HACE1: variants seen among roughly 807,000 people sequenced by gnomAD.
The protein encoded by HACE1 is HECT domain and ankyrin repeat containing E3 ubiquitin protein ligase 1.
HACE1 carries 73 observed loss-of-function variants against 118.4 expected under a neutral mutation model. The ratio of observed to expected loss-of-function variants is 0.62; its 90% CI spans 0.51 to 0.75. The LOEUF (loss-of-function observed/expected upper bound fraction) is 0.75, where lower values mean the gene tolerates loss of function less well. Among genes scored for constraint, HACE1 ranks in the 30% least tolerant of loss-of-function variants. The probability of loss-of-function intolerance (pLI) is 0.00; values close to 1 mark genes in which losing one functional copy is unlikely to be tolerated. For synonymous variants in HACE1, 368 were observed against 374.8 expected, an observed-to-expected ratio of 0.98 and a Z score of 0.21; for missense variants, 749 against 1,102.2, an observed-to-expected ratio of 0.68 and a Z score of 4.54.
intron 19 of HACE1, among the ~76,000 whole-genome samples, chr6:104,758,150 C>CCTG (rs1778923578): frequency 6.6e-6 from 1 of 152,088 alleles, no homozygotes; most frequent in Non-Finnish European, 1.5e-5. Flanking sequence ...GAGAACTTCC[C>CCTG]CAACCTAGCA....
At chr6:104,745,781 A>C (rs1381188797) in intron 20 of HACE1, among the ~76,000 whole-genome samples, 1 of 152,044 alleles carries the variant, frequency 6.6e-6, no homozygotes, top group Non-Finnish European at 1.5e-5. Context: ...CTGTGATTCA[A>C]AATCATGTCT....
intron 14 of HACE1, 37 bp from the exon 15 acceptor site, chr6:104,777,354 G>C: frequency 8.2e-7 from 1 of 1,223,138 alleles, no homozygotes; most frequent in Non-Finnish European, 1.2e-6. Context: ...TGTTAGCAGT[G>C]TATCAGTCAT....
In HACE1 at chr6:104,781,302, C is replaced by T. The variant is rs138247063; in HGVS notation, c.1566+2784G>A. On this transcript the variant is annotated intron_variant, in intron 14 of 23. Coordinates refer to ENST00000262903, the MANE Select transcript of HACE1 (RefSeq NM_020771.4). ...GTGGGAGTCCATTCAAGCTGTCTTC[C>T]GAGTCATGTTAACATAACCCCATCA... Among the ~76,000 whole-genome samples the T allele has an allele frequency of 4.2e-3, 642 of 152,170 alleles. 3 individuals carry two copies. The highest frequency in any genetic ancestry group is 0.015 in the African/African-American group (617 of 41,496).
At chr6:104,751,225 G>C (rs1778011510) in intron 19 of HACE1, among the ~76,000 whole-genome samples, 1 of 152,180 alleles carries the variant, frequency 6.6e-6, no homozygotes, top group South Asian at 2.1e-4. Flanking sequence ...TCTGCAGACA[G>C]GAACTTTGTT....
At chr6:104,741,800 GA>G (rs918692172) in intron 22 of HACE1, among the ~76,000 whole-genome samples, 26 of 141,726 alleles carry the variant, frequency 1.8e-4, no homozygotes, top group African/African-American at 6.0e-4. Flanking sequence ...CACAGAACTG[GA>G]AAAAACTACT....
In HACE1 at chr6:104,730,338, T is replaced by C. The variant is rs754026335; in HGVS notation, c.2592A>G (p.Pro864=). 14 of 1,589,188 alleles carry C rather than the reference T, an allele frequency of 8.8e-6. No homozygotes were observed. The highest frequency in any genetic ancestry group is 8.3e-5 in the Admixed American group (5 of 59,982). ...AAGTTGGTAAAAGATTTGGAGTATA[T>C]GGCACAGCAGCGATTGTAAAGTTTT... ...GLQNFTIAAV[P]YTPNLLPTSS... The change falls in exon 23 of 24, where the codon CCA becomes CCG. Residue 864 remains proline, a synonymous_variant. Coordinates refer to ENST00000262903, the MANE Select transcript of HACE1 (RefSeq NM_020771.4).
rs773861483 is a variant in HACE1 at position 104,852,352 on chromosome 6, A to G, written c.96T>C (p.Tyr32=). The change falls in exon 2 of 24, where the codon TAT becomes TAC. Residue 32 remains tyrosine (Y), a synonymous_variant. Coordinates refer to ENST00000262903, the MANE Select transcript of HACE1 (RefSeq NM_020771.4). ...ELPEDNETAV[Y]TLMPMVMADQ... Reference sequence around the variant, plus strand: ...CAGCCATAACCATTGGCATTAATGTATAAACAGCAGTTTCATTATCTGAGT... The same window carrying G: ...CAGCCATAACCATTGGCATTAATGTGTAAACAGCAGTTTCATTATCTGAGT... 2.5e-6 allele frequency: 4 copies of G among 1,601,084 alleles called. No homozygotes were observed. Among genetic ancestry groups the G allele is most frequent in the Admixed American group, 1.7e-5 (1 of 59,542 alleles).
chr6:104,795,723 TAATCC>T (rs777513785), intron 9 of HACE1, 38 bp from the exon 10 acceptor site: 20 of 1,208,650 alleles, frequency 1.7e-5, no homozygotes, highest in Admixed American at 1.4e-4. Flanking sequence ...GATTACATAG[TAATCC>T]ATTAAATCTT....
rs996912099 is a variant in HACE1 at position 104,744,663 on chromosome 6, T to A, written c.2344-53A>T. 21 of 1,049,494 alleles carry A rather than the reference T, an allele frequency of 2.0e-5. No individual in the cohort carries two copies. The Admixed American group carries it at 3.3e-4, about 17-fold the overall frequency. The allele number at this position is 1,049,494 out of a possible 1,614,324, so 65.0% of individuals were successfully genotyped here. A position where few individuals can be genotyped will look rare whatever the true frequency, so the allele number is the denominator to read the frequency against. ...TAATTTTCTTTAGGGAAAAAAGTTA[T>A]TATATTTAAGTGGTAAATTTGCCAT... is the stretch of plus-strand genomic sequence containing the variant. On this transcript the variant is annotated intron_variant, in intron 20 of 23. Coordinates refer to ENST00000262903, the MANE Select transcript of HACE1 (RefSeq NM_020771.4).
intron 1 of HACE1, among the ~76,000 whole-genome samples, chr6:104,855,736 C>A (rs1776657450): frequency 6.6e-6 from 1 of 152,082 alleles, no homozygotes; most frequent in African/African-American, 2.4e-5. Flanking sequence ...CAATAAAAAT[C>A]TGAACTTCTA....
chr6:104,807,137 C>T (rs1486039692), intron 7 of HACE1, among the ~76,000 whole-genome samples: 1 of 151,692 alleles, frequency 6.6e-6, no homozygotes, highest in Non-Finnish European at 1.5e-5. Flanking sequence ...GATTCTCCTG[C>T]CTCAGCCTCT....
chr6:104,802,677 A>C (rs1770513432), intron 7 of HACE1, among the ~76,000 whole-genome samples: 1 of 152,224 alleles, frequency 6.6e-6, no homozygotes, highest in African/African-American at 2.4e-5. Context: ...GAGAACAAAG[A>C]CACAACATAC....
chr6:104,838,154 T>C (rs564181056), intron 5 of HACE1, among the ~76,000 whole-genome samples: 1 of 152,324 alleles, frequency 6.6e-6, no homozygotes, highest in Admixed American at 6.5e-5. Flanking sequence ...ATAGATTCAA[T>C]GTAATCTCTA....
chr6:104,756,426 A>ATAT (rs1554225505), intron 19 of HACE1, among the ~76,000 whole-genome samples: 189 of 105,906 alleles, frequency 1.8e-3, no homozygotes, highest in Admixed American at 2.2e-3. Context: ...AAAAAAAAAA[A>ATAT]ATATATATAT....
chr6:104,859,622 T>C lies in HACE1; in HGVS notation c.21A>G (p.Gln7=). Residue 7 remains glutamine, a synonymous_variant, in exon 1 of 24, where the codon CAA becomes CAG. Coordinates refer to ENST00000262903, the MANE Select transcript of HACE1 (RefSeq NM_020771.4). The stretch of plus-strand genomic sequence containing the variant: ...GCAGCGAGCGCGTCAGGCGGTTGAG[T>C]TGCTCCATCGCTCTCTCCATCCTCG... MERAME[Q]LNRLTRSLRR... 2.6e-6 allele frequency: 4 copies of C among 1,532,840 alleles called. No homozygotes were observed. Among genetic ancestry groups the C allele is most frequent in the South Asian group, 2.4e-5 (2 of 82,910 alleles). The allele number at this position is 1,532,840 out of a possible 1,614,324, so 95.0% of individuals were successfully genotyped here. A position where few individuals can be genotyped will look rare whatever the true frequency, so the allele number is the denominator to read the frequency against.
intron 5 of HACE1, among the ~76,000 whole-genome samples, chr6:104,841,702 A>G (rs1172717798): frequency 6.6e-6 from 1 of 152,186 alleles, no homozygotes; most frequent in African/African-American, 2.4e-5. Context: ...TAAATATTCA[A>G]TATTATTCTT....
intron 19 of HACE1, among the ~76,000 whole-genome samples, chr6:104,751,102 A>G (rs1399149072): frequency 6.6e-6 from 1 of 151,964 alleles, no homozygotes; most frequent in Non-Finnish European, 1.5e-5. Context: ...CATTCACTCA[A>G]TTCTAGTTTC....
intron 7 of HACE1, among the ~76,000 whole-genome samples, chr6:104,799,455 C>T (rs1048766811): frequency 3.3e-5 from 5 of 152,172 alleles, no homozygotes; most frequent in African/African-American, 7.2e-5. Flanking sequence ...CTCTCTCACC[C>T]GCTTCTGATT....
At chr6:104,832,436 C>G (rs1774103956) in intron 6 of HACE1, among the ~76,000 whole-genome samples, 1 of 152,008 alleles carries the variant, frequency 6.6e-6, no homozygotes, top group African/African-American at 2.4e-5. Flanking sequence ...CTCTGTCACC[C>G]AGGCTGGAGT....
Sources: gnomAD v4.1 joint callset for allele counts (sites outside exome capture counted in the v4.1 genomes callset) on GRCh38, gnomAD v4.1.1 for gene constraint, MANE v1.5 for transcripts, NCBI Gene and HGNC (gene_info 2026-07-23, HGNC 2026-07-21) for gene names.